MYH9: variants seen among roughly 807,000 people sequenced by gnomAD.
The protein encoded by MYH9 is myosin heavy chain 9.
MYH9 carries 29 observed loss-of-function variants against 241.9 expected under a neutral mutation model. The observed-to-expected ratio is 0.12, with a 90% CI of 0.09 to 0.16. The LOEUF is 0.16. MYH9 is among the 10% of genes least tolerant of loss of function. MYH9 has a pLI of 1.00. For missense variants in MYH9, 1,803 were observed against 2,595.5 expected, an observed-to-expected ratio of 0.69 and a Z score of 6.63; for synonymous variants, 1,047 against 1,062.6, an observed-to-expected ratio of 0.99 and a Z score of 0.29.
At position 36,301,639 on chromosome 22, in the gene MYH9, C is replaced by T. The variant is rs2016879447; in HGVS notation, c.2526G>A (p.Arg842=). ...TKVKPLLQVS[R]QEEEMMAKEE... is the part of the protein sequence containing the mutation. ...CCTTGGCCATCATCTCCTCCTCCTG[C>T]CGGCTCACCTGCAGCAGCGGCTTGA... Residue 842 remains arginine, a synonymous_variant, in exon 21 of 41, where the codon CGG becomes CGA. Coordinates refer to ENST00000216181, the MANE Select transcript of MYH9 (RefSeq NM_002473.6). The T allele has an allele frequency of 6.2e-7, 1 of 1,613,874 alleles. No individual in the cohort carries two copies.
At chr22:36,286,653 A>G in intron 35 of MYH9, 65 bp downstream of exon 35, 1 of 1,603,396 alleles carries the variant, frequency 6.2e-7, no homozygotes, top group Non-Finnish European at 8.5e-7. Context: ...CTCAGCTGAA[A>G]GCCCCACGCT....
In MYH9 at chr22:36,316,761, T is replaced by TC. The variant is rs1001255658; in HGVS notation, c.1228-93dup. Reference sequence around the variant, plus strand: ...CCCAGTAATTTCACTTTTAGAGTCCTCCCCCTAGAGGAACAGCCCTAAGTA... The same window carrying TC: ...CCCAGTAATTTCACTTTTAGAGTCCTCCCCCCTAGAGGAACAGCCCTAAGTA... On this transcript the variant is annotated intron_variant, in intron 11 of 40. Transcript: ENST00000216181. 11 of 1,494,294 alleles carry TC rather than the reference T, an allele frequency of 7.4e-6. No individual in the cohort carries two copies. In the African/African-American group the frequency reaches 1.4e-4, roughly 19 times the overall value. The allele number at this position is 1,494,294 out of a possible 1,614,324, so 92.6% of individuals were successfully genotyped here.
chr22:36,284,364 G>A (rs761843417), intron 39 of MYH9, 39 bp downstream of exon 39: 2 of 1,607,994 alleles, frequency 1.2e-6, no homozygotes, highest in Non-Finnish European at 1.7e-6. Flanking sequence ...CTGCTGCCCA[G>A]CCCCGCTGCC....
intron 2 of MYH9, among the ~76,000 whole-genome samples, chr22:36,348,237 G>C (rs141173720): frequency 6.6e-6 from 1 of 150,728 alleles, no homozygotes; most frequent in Non-Finnish European, 1.5e-5. Flanking sequence ...GGCCAGGTGC[G>C]GTGGCTCGCG....
intron 14 of MYH9, 87 bp downstream of exon 14, chr22:36,311,962 C>G (rs918570020): frequency 1.8e-5 from 27 of 1,537,414 alleles, no homozygotes; most frequent in Non-Finnish European, 2.2e-5. Flanking sequence ...GCGTCCCCAG[C>G]AGCTGCCCGG....
chr22:36,382,489 A>G (rs934328793), intron 1 of MYH9, among the ~76,000 whole-genome samples: 2 of 150,498 alleles, frequency 1.3e-5, no homozygotes, highest in African/African-American at 4.9e-5. Context: ...AACAAAAAAA[A>G]GAGTGCCTAG....
chr22:36,324,394 G>C (rs1261892871), intron 5 of MYH9, among the ~76,000 whole-genome samples: 1 of 152,272 alleles, frequency 6.6e-6, no homozygotes, highest in Non-Finnish European at 1.5e-5. Flanking sequence ...GGGCTTCACT[G>C]GGTGGTGTTT....
intron 3 of MYH9, 148 bp from the exon 4 acceptor site, chr22:36,327,636 G>T: frequency 1.1e-6 from 1 of 925,564 alleles, no homozygotes; most frequent in Non-Finnish European, 1.7e-6. Flanking sequence ...CTCACACCTG[G>T]CTAGGAGGAG....
At chr22:36,363,465 C>T (rs2017965759) in intron 1 of MYH9, among the ~76,000 whole-genome samples, 1 of 152,044 alleles carries the variant, frequency 6.6e-6, no homozygotes, top group African/African-American at 2.4e-5. Context: ...CAGAGGGAGG[C>T]AGGAAGGAGG....
chr22:36,373,246 C>T (rs1050027323), intron 1 of MYH9, among the ~76,000 whole-genome samples: 9 of 152,204 alleles, frequency 5.9e-5, no homozygotes, highest in Admixed American at 5.9e-4. Flanking sequence ...TATCCTCCCC[C>T]TGCCCCTGCC....
intron 3 of MYH9, among the ~76,000 whole-genome samples, chr22:36,331,504 G>A (rs1444045200): frequency 1.3e-5 from 2 of 152,248 alleles, no homozygotes; most frequent in East Asian, 3.8e-4. Context: ...GGGCCCAGGA[G>A]GGAGGAAGGG....
intron 1 of MYH9, among the ~76,000 whole-genome samples, chr22:36,353,685 G>C (rs1424134307): frequency 6.6e-6 from 1 of 152,192 alleles, no homozygotes; most frequent in South Asian, 2.1e-4. Context: ...TAATAAAAAA[G>C]TTTTTGAAAA....
At chr22:36,326,750 A>G (rs765133646) in intron 4 of MYH9, 89 bp from the exon 5 acceptor site, 76 of 1,149,110 alleles carry the variant, frequency 6.6e-5, no homozygotes, top group Non-Finnish European at 9.7e-5. Flanking sequence ...ACTGCCTCGC[A>G]TTCTGTTGGG....
chr22:36,294,006 C>G, intron 28 of MYH9, 86 bp downstream of exon 28: 1 of 1,514,872 alleles, frequency 6.6e-7, no homozygotes, highest in Non-Finnish European at 9.1e-7. Context: ...GAGAGAGAGA[C>G]AGAGAGCACA....
At chr22:36,315,899 G>A (rs2146358414) in intron 12 of MYH9, among the ~76,000 whole-genome samples, 1 of 151,274 alleles carries the variant, frequency 6.6e-6, no homozygotes, top group South Asian at 2.1e-4. Context: ...TTAGCTGGGA[G>A]TGGTGGTGCG....
At chr22:36,341,131 G>A (rs1427067918) in intron 3 of MYH9, among the ~76,000 whole-genome samples, 1 of 152,106 alleles carries the variant, frequency 6.6e-6, no homozygotes, top group Non-Finnish European at 1.5e-5. Context: ...GAAATTGAGA[G>A]AAAGATTAGG....
chr22:36,283,744 G>A (rs1266111109), intron 40 of MYH9, among the ~76,000 whole-genome samples: 2 of 152,122 alleles, frequency 1.3e-5, no homozygotes, highest in African/African-American at 4.8e-5. Flanking sequence ...AAACGCAAAG[G>A]AGCGTTTTTA....
At chr22:36,291,269 C>T (rs1193147465) in intron 31 of MYH9, among the ~76,000 whole-genome samples, 3 of 152,200 alleles carry the variant, frequency 2.0e-5, no homozygotes, top group Admixed American at 6.5e-5. Context: ...ATTGAGAAAT[C>T]GGATGGTTGC....
intron 27 of MYH9, among the ~76,000 whole-genome samples, chr22:36,294,668 A>G (rs763800831): frequency 1.2e-4 from 18 of 152,388 alleles, no homozygotes; most frequent in African/African-American, 2.4e-4. Context: ...TAGACTTCCA[A>G]TAAAGCCTGT....
Sources: allele counts gnomAD v4.1 joint callset (sites outside exome capture counted in the v4.1 genomes callset), GRCh38; gene constraint gnomAD v4.1.1; transcripts MANE v1.5; gene names NCBI Gene and HGNC (gene_info 2026-07-23, HGNC 2026-07-21).